Variants in PIEZO2 observed in about 807,000 individuals in gnomAD.
PIEZO2 encodes the protein piezo type mechanosensitive ion channel component 2, also known as piezo-type mechanosensitive ion channel component 2.
In PIEZO2, 172 loss-of-function variants were observed where a neutral mutation model predicts 337.3. The observed-to-expected ratio is 0.51, with a 90% CI of 0.45 to 0.58. The LOEUF is 0.58. Ranked by LOEUF, PIEZO2 falls within the 20% of genes least tolerant of loss-of-function variation. The probability of loss-of-function intolerance (pLI) is 0.00; values close to 1 mark genes in which losing one functional copy is unlikely to be tolerated. For synonymous variants in PIEZO2, 1,251 were observed against 1,228.5 expected (o/e 1.02, Z -0.38); for missense variants, 3,028 against 3,391.3 (o/e 0.89, Z 2.66).
chr18:10,798,581 G>A (rs1251303163), intron 11 of PIEZO2, among the ~76,000 whole-genome samples: 6 of 152,180 alleles, frequency 3.9e-5, no homozygotes, highest in Non-Finnish European at 7.4e-5. Context: ...AACACTTTTT[G>A]TGTATATAGA....
chr18:10,979,458 G>T lies in PIEZO2; in HGVS notation c.286+77C>A, dbSNP rs550198629. The stretch of plus-strand genomic sequence containing the variant: ...TTATTGCATAGATTTCTATGTGTGC[G>T]ATGACACACAGCTTTATTATGCACG... On this transcript the variant is annotated intron_variant, in intron 3 of 55. Transcript: ENST00000674853. The surrounding 1 kb of genome is among the most constrained non-coding windows in gnomAD (Gnocchi z 4.0). 1.6e-6 allele frequency: 2 copies of T among 1,258,530 alleles called. No individual in the cohort carries two copies. Among genetic ancestry groups the T allele is most frequent in the East Asian group, 2.7e-5 (1 of 37,318 alleles). 78.0% of individuals were successfully genotyped at this position (1,258,530 alleles called of 1,614,324 possible).
chr18:10,768,360 G>A (rs2038454416), intron 21 of PIEZO2, among the ~76,000 whole-genome samples: 3 of 152,290 alleles, frequency 2.0e-5, no homozygotes, highest in Admixed American at 6.5e-5. Flanking sequence ...CTGAAGAGAA[G>A]TCTTTTGATT....
Position 11,061,205 on chromosome 18 carries a change from AC to A in PIEZO2, c.160+4921del, listed in dbSNP as rs746109824. Among the ~76,000 whole-genome samples, 328 of 151,908 alleles carry A rather than the reference AC, an allele frequency of 2.2e-3. 1 individual carries two copies. Among genetic ancestry groups the A allele is most frequent in the Non-Finnish European group, 3.1e-3 (209 of 67,950 alleles). On this transcript the variant is annotated intron_variant, in intron 2 of 55. Transcript: ENST00000674853. ...AAAAGGCCTTTGACAAAATTCAACA[AC>A]CCTTCATGCTAAAAACTCTCAATAA... is the stretch of plus-strand genomic sequence containing the variant.
At chr18:11,049,182 C>T (rs532862761) in intron 2 of PIEZO2, among the ~76,000 whole-genome samples, 13 of 152,334 alleles carry the variant, frequency 8.5e-5, no homozygotes, top group South Asian at 2.1e-4. Flanking sequence ...CTCTTCAGCA[C>T]GTATCAGGCC....
chr18:10,890,767 A>C (rs1366407672), intron 4 of PIEZO2: 1 of 151,500 alleles, frequency 6.6e-6, no homozygotes, highest in East Asian at 1.9e-4. Context: ...CAGCCAAATC[A>C]TATCAAGGAA....
chr18:10,958,478 G>T (rs1052867355), intron 3 of PIEZO2, among the ~76,000 whole-genome samples: 3 of 152,014 alleles, frequency 2.0e-5, no homozygotes, highest in African/African-American at 7.2e-5. Context: ...TGCACTGCAT[G>T]GTGACCATAA....
chr18:11,030,517 G>T (rs2625367), intron 2 of PIEZO2, among the ~76,000 whole-genome samples: 34,805 of 152,082 alleles, frequency 0.23, 4,881 homozygotes, highest in African/African-American at 0.39. Context: ...TAGTGGTTAC[G>T]GGAAGGAGTG....
intron 18 of PIEZO2, among the ~76,000 whole-genome samples, chr18:10,776,506 C>T (rs1219860211): frequency 6.6e-6 from 1 of 152,156 alleles, no homozygotes; most frequent in African/African-American, 2.4e-5. Flanking sequence ...AGGTATTAAA[C>T]TTAGACTATG....
At chr18:11,093,865 G>A (rs962302792) in intron 1 of PIEZO2, among the ~76,000 whole-genome samples, 15 of 152,176 alleles carry the variant, frequency 9.9e-5, no homozygotes, top group African/African-American at 3.6e-4. Context: ...CTATGGCAGA[G>A]CCTACCACAC....
At position 10,766,318 on chromosome 18, in the gene PIEZO2, G is replaced by A. The variant is rs575914648; in HGVS notation, c.2947-3220C>T. 4.0e-4 allele frequency among the ~76,000 whole-genome samples: 60 copies of A among 151,600 alleles called. No individual in the cohort carries two copies. The highest frequency in any genetic ancestry group is 7.8e-4 in the Non-Finnish European group (53 of 67,834). On this transcript the variant is annotated intron_variant, in intron 21 of 55. Coordinates refer to ENST00000674853, the MANE Select transcript of PIEZO2 (RefSeq NM_001378183.1). The surrounding 1 kb of genome is among the most constrained non-coding windows in gnomAD (Gnocchi z 6.1). ...GCAGAAAGGAGGGGAAGGGGAAGGA[G>A]AAGTAGGAGGAGAAGGAGGAGGAGG... is the stretch of plus-strand genomic sequence containing the variant.
chr18:11,055,811 C>T (rs559357367), intron 2 of PIEZO2, among the ~76,000 whole-genome samples: 1 of 152,192 alleles, frequency 6.6e-6, no homozygotes, highest in East Asian at 1.9e-4. Flanking sequence ...GCCTGGGCTG[C>T]AGCATCTGGC....
chr18:10,937,411 G>T (rs1239544468), intron 3 of PIEZO2, among the ~76,000 whole-genome samples: 1 of 152,154 alleles, frequency 6.6e-6, no homozygotes, highest in African/African-American at 2.4e-5. Context: ...CACAATACTG[G>T]TGGTGAGTTT....
chr18:11,000,086 A>G (rs886630417), intron 2 of PIEZO2, among the ~76,000 whole-genome samples: 8 of 152,296 alleles, frequency 5.3e-5, no homozygotes, highest in African/African-American at 1.9e-4. Context: ...TCAAAACCCA[A>G]TTTTGCTAAA....
At chr18:10,958,339 G>A (rs1241643528) in intron 3 of PIEZO2, among the ~76,000 whole-genome samples, 2 of 152,064 alleles carry the variant, frequency 1.3e-5, no homozygotes, top group African/African-American at 2.4e-5. Context: ...TTGCCATCAG[G>A]GGCTGGGGTA....
chr18:10,787,230 T>C (rs2039256113), intron 15 of PIEZO2, 46 bp from the exon 16 acceptor site: 1 of 1,471,264 alleles, frequency 6.8e-7, no homozygotes, highest in East Asian at 2.5e-5. Flanking sequence ...AAATCACTTT[T>C]AGGAAAACTC....
At chr18:10,715,557 G>A (rs1192745801) in intron 38 of PIEZO2, 93 bp downstream of exon 38, 3 of 1,185,382 alleles carry the variant, frequency 2.5e-6, no homozygotes, top group African/African-American at 1.6e-5. Flanking sequence ...GAAAGAAAGG[G>A]CTTTGTCTTA....
rs940271697 is a variant in PIEZO2, at chr18:11,116,271, G to A, written c.64+32254C>T. Among the ~76,000 whole-genome samples the A allele has an allele frequency of 1.3e-5, 2 of 152,136 alleles. No individual in the cohort carries two copies. Among genetic ancestry groups the A allele is most frequent in the Admixed American group, 6.5e-5 (1 of 15,276 alleles). Reference sequence around the variant, plus strand: ...TCTTTGATTTTGGAAATGTCTAGGAGTTTGGGGATCCCAGGAAGGGCAGAG... The same window carrying A: ...TCTTTGATTTTGGAAATGTCTAGGAATTTGGGGATCCCAGGAAGGGCAGAG... On this transcript the variant is annotated intron_variant, in intron 1 of 55. Coordinates refer to ENST00000674853, the MANE Select transcript of PIEZO2 (RefSeq NM_001378183.1). The surrounding 1 kb of genome is among the most constrained non-coding windows in gnomAD (Gnocchi z 5.0).
At position 10,833,280 on chromosome 18, in the gene PIEZO2, AAC is replaced by A. The variant is rs2040905806; in HGVS notation, c.917+22071_917+22072del. Among the ~76,000 whole-genome samples, 1 of 152,052 alleles carries A rather than the reference AAC, an allele frequency of 6.6e-6. No homozygotes were observed. Among genetic ancestry groups the A allele is most frequent in the Admixed American group, 6.5e-5 (1 of 15,276 alleles). ...TGCGTCAGTGGCAGCACAGAGATGA[AAC>A]ACAGTTCTGACGCACTGGGATTCAC... On this transcript the variant is annotated intron_variant, in intron 7 of 55. Transcript: ENST00000674853. The surrounding 1 kb of genome is among the most constrained non-coding windows in gnomAD (Gnocchi z 4.7).
intron 2 of PIEZO2, among the ~76,000 whole-genome samples, chr18:11,044,159 CTATA>C (rs10556222): frequency 1.4e-5 from 2 of 147,772 alleles, no homozygotes; most frequent in Admixed American, 6.8e-5. Flanking sequence ...TACTAATATA[CTATA>C]TATATATATA....
Sources: allele counts gnomAD v4.1 joint callset (sites outside exome capture counted in the v4.1 genomes callset), GRCh38; gene constraint gnomAD v4.1.1; non-coding constraint Gnocchi (gnomAD v3.1); transcripts MANE v1.5; gene names NCBI Gene and HGNC (gene_info 2026-07-23, HGNC 2026-07-21).